KIF24: variants seen among roughly 807,000 people sequenced by gnomAD.
KIF24 encodes the protein kinesin family member 24.
Under a neutral mutation model 118.9 loss-of-function variants are expected in KIF24, and 81 were observed. The observed-to-expected ratio is 0.68, with a 90% CI of 0.57 to 0.82. The LOEUF (loss-of-function observed/expected upper bound fraction) is 0.82. Among genes scored for constraint, KIF24 ranks in the 40% least tolerant of loss-of-function variants. The probability of loss-of-function intolerance (pLI) is 0.00; values close to 1 mark genes in which losing one functional copy is unlikely to be tolerated. For synonymous variants in KIF24, 599 were observed against 610.0 expected (o/e 0.98, Z 0.27); for missense variants, 1,560 against 1,661.6 (o/e 0.94, Z 1.06).
chr9:34,305,328 T>C (rs1836870273), intron 3 of KIF24, among the ~76,000 whole-genome samples: 2 of 152,224 alleles, frequency 1.3e-5, no homozygotes, highest in Admixed American at 6.5e-5. Flanking sequence ...CACTGCAATC[T>C]ACCCTGTATA....
In KIF24 at chr9:34,256,146, C is replaced by T; in HGVS notation, c.3461G>A (p.Cys1154Tyr). 1 of 1,606,846 alleles carries T rather than the reference C, an allele frequency of 6.2e-7. No homozygotes were observed. Among genetic ancestry groups the T allele is most frequent in the South Asian group, 1.1e-5 (1 of 90,610 alleles). The change falls in exon 11 of 13, where the codon TGC becomes TAC. Residue 1154 changes from cysteine to tyrosine, a missense_variant. Physicochemically the swap from Cys to Tyr is radical, Grantham distance 194. This residue lies in a region of KIF24 where 591 missense variants were observed against 655.6 expected (regional missense o/e 0.90). Coordinates refer to ENST00000402558, the MANE Select transcript of KIF24 (RefSeq NM_194313.4). The stretch of plus-strand genomic sequence containing the variant: ...GAAAAGTACAGTCTCTCTGCTCTGG[C>T]AGGCCTCTCCTAGGTCTGCCTCCCT... ...PSREADLGEA[C>Y]QSRETVLFSH...
chr9:34,290,093 G>T, intron 5 of KIF24, 81 bp downstream of exon 5: 2 of 956,540 alleles, frequency 2.1e-6, no homozygotes, highest in Non-Finnish European at 3.3e-6. Flanking sequence ...TCTCATTAAA[G>T]CCTATGATTC....
intron 6 of KIF24, among the ~76,000 whole-genome samples, chr9:34,276,764 A>G (rs997735706): frequency 1.3e-5 from 2 of 152,238 alleles, no homozygotes; most frequent in African/African-American, 2.4e-5. Context: ...TAAAGAGAAG[A>G]CTGCTAATTT....
At chr9:34,315,666 T>C (rs975396125) in intron 1 of KIF24, among the ~76,000 whole-genome samples, 5 of 152,246 alleles carry the variant, frequency 3.3e-5, no homozygotes, top group Admixed American at 6.5e-5. Context: ...CAGTCAAGCA[T>C]TGTGCTAGAT....
At chr9:34,317,381 CTG>C (rs1837363740) in intron 1 of KIF24, among the ~76,000 whole-genome samples, 1 of 144,472 alleles carries the variant, frequency 6.9e-6, no homozygotes, top group Non-Finnish European at 1.6e-5. Context: ...CAGAAGGAGA[CTG>C]TCTTAAAAAA....
chr9:34,259,587 C>G lies in KIF24; in HGVS notation c.1625+9G>C. 1 of 1,609,546 alleles carries G rather than the reference C, an allele frequency of 6.2e-7. No homozygotes were observed. Among genetic ancestry groups the G allele is most frequent in the Non-Finnish European group, 8.5e-7 (1 of 1,176,034 alleles). ...TTACACACAACCTGCCATCTGGGAG[C>G]TGACTTACCGGTCAGCATAGCGCAA... On this transcript the variant is annotated intron_variant, in intron 10 of 12. Transcript: ENST00000402558.
chr9:34,296,631 T>C (rs1039008721), intron 4 of KIF24, among the ~76,000 whole-genome samples: 1 of 152,100 alleles, frequency 6.6e-6, no homozygotes, highest in African/African-American at 2.4e-5. Context: ...ATAGCCAGAA[T>C]ACATAATTCC....
chr9:34,253,028 GA>G lies in KIF24; in HGVS notation c.*1351del, dbSNP rs1834666379. 1 of 152,874 alleles carries G rather than the reference GA, an allele frequency of 6.5e-6. No homozygotes were observed. The highest frequency in any genetic ancestry group is 2.4e-5 in the African/African-American group (1 of 41,470). 9.5% of individuals were successfully genotyped at this position (152,874 alleles called of 1,614,324 possible). Reference sequence around the variant, plus strand: ...GAGCTTTTGGCTAGACTGGGTCTTTGAAGGTTTTTAGTGATCATGTGAGGGA... The same window carrying G: ...GAGCTTTTGGCTAGACTGGGTCTTTGAGGTTTTTAGTGATCATGTGAGGGA... On this transcript the variant is annotated 3_prime_UTR_variant, in exon 13 of 13. Transcript: ENST00000402558.
chr9:34,308,540 TC>T (rs1837019119), intron 2 of KIF24, among the ~76,000 whole-genome samples: 1 of 152,184 alleles, frequency 6.6e-6, no homozygotes, highest in African/African-American at 2.4e-5. Flanking sequence ...CGCCTTGGCC[TC>T]CCAAAGTGCT....
intron 10 of KIF24, among the ~76,000 whole-genome samples, chr9:34,258,562 A>G (rs990365274): frequency 1.3e-5 from 2 of 152,226 alleles, no homozygotes; most frequent in Admixed American, 6.5e-5. Context: ...GGAAATCACC[A>G]CAGCCCCATG....
In KIF24 at chr9:34,256,086, G is replaced by C. The variant is rs775657810; in HGVS notation, c.3521C>G (p.Ala1174Gly). 2 of 1,613,908 alleles carry C rather than the reference G, an allele frequency of 1.2e-6. No individual in the cohort carries two copies. Among genetic ancestry groups the C allele is most frequent in the South Asian group, 2.2e-5 (2 of 91,084 alleles). Residue 1174 changes from alanine to glycine, a missense_variant, in exon 11 of 13, where the codon GCT becomes GGT. Physicochemically the swap from Ala to Gly is moderately conservative, Grantham distance 60. Coordinates refer to ENST00000402558, the MANE Select transcript of KIF24 (RefSeq NM_194313.4). ...HEHMGSEQYD[A>G]DAEETGLDGS... ...ATCCAGCCCCGTCTCCTCTGCATCA[G>C]CATCATACTGCTCACTACCCATGTG...
chr9:34,311,983 A>T (rs910249944), intron 1 of KIF24, among the ~76,000 whole-genome samples: 1 of 152,154 alleles, frequency 6.6e-6, no homozygotes, highest in Non-Finnish European at 1.5e-5. Flanking sequence ...GGCATGCTGC[A>T]CAACTGTTTC....
chr9:34,294,312 T>G (rs1461776672), intron 4 of KIF24, among the ~76,000 whole-genome samples: 2 of 152,114 alleles, frequency 1.3e-5, no homozygotes, highest in Non-Finnish European at 2.9e-5. Flanking sequence ...TCTAGGTTGT[T>G]ACCCAAAGTA....
At chr9:34,301,436 G>C (rs1344401120) in intron 3 of KIF24, among the ~76,000 whole-genome samples, 2 of 152,234 alleles carry the variant, frequency 1.3e-5, no homozygotes, top group East Asian at 3.9e-4. Context: ...TTTTAGTAGA[G>C]ATGGGGTTTC....
chr9:34,262,673 AAAATATATATAT>A (rs1835123181), intron 9 of KIF24, among the ~76,000 whole-genome samples: 1 of 24,094 alleles, frequency 4.2e-5, no homozygotes, highest in Non-Finnish European at 7.4e-5. Flanking sequence ...AAAAAAAAAA[AAAATATATATAT>A]ATATATATAT....
Position 34,318,338 on chromosome 9 carries a change from CA to C in KIF24, c.-25-6968del. 1.7e-6 allele frequency: 1 copy of C among 578,740 alleles called. No homozygotes were observed. The highest frequency in any genetic ancestry group is 1.8e-5 in the South Asian group (1 of 55,868). The allele number at this position is 578,740 out of a possible 1,614,324, so 35.9% of individuals were successfully genotyped here. On this transcript the variant is annotated intron_variant, in intron 1 of 12. Transcript: ENST00000402558. This position sits in a 1 kb window ranked among gnomAD's most constrained non-coding sequence, Gnocchi z 4.9. ...GTCTTGGAGCCAGCCCAGCCCAACCCAGCCCAACCCAGCTTGACCTAGCCCT... is the reference window on the plus strand; with the variant it reads ...GTCTTGGAGCCAGCCCAGCCCAACCCGCCCAACCCAGCTTGACCTAGCCCT...
intron 9 of KIF24, 45 bp downstream of exon 9, chr9:34,263,052 GAAGA>G: frequency 1.5e-6 from 2 of 1,375,988 alleles, no homozygotes; most frequent in Non-Finnish European, 2.1e-6. Flanking sequence ...ATGAAATAAG[GAAGA>G]AAGGAATGAA....
chr9:34,264,333 G>A (rs552506728), intron 8 of KIF24, among the ~76,000 whole-genome samples: 6 of 151,672 alleles, frequency 4.0e-5, no homozygotes, highest in Admixed American at 3.3e-4. Context: ...AGGAGGCTGA[G>A]AAAGGAGAAA....
At chr9:34,316,204 T>C (rs532648627) in intron 1 of KIF24, among the ~76,000 whole-genome samples, 12 of 150,220 alleles carry the variant, frequency 8.0e-5, no homozygotes, top group Admixed American at 7.3e-4. Context: ...AAAAATTAGC[T>C]GGGTGTGGTG....
Sources: allele counts gnomAD v4.1 joint callset (sites outside exome capture counted in the v4.1 genomes callset), GRCh38; gene constraint gnomAD v4.1.1; regional missense constraint gnomAD v4.1.1; non-coding constraint Gnocchi (gnomAD v3.1); transcripts MANE v1.5; gene names NCBI Gene and HGNC (gene_info 2026-07-23, HGNC 2026-07-21).